Variants in CFAP77 observed in about 807,000 individuals in gnomAD.
The protein encoded by CFAP77 is cilia- and flagella-associated protein 77.
In CFAP77, 25 loss-of-function variants were observed where a neutral mutation model predicts 31.1. The ratio of observed to expected loss-of-function variants is 0.80; its 90% CI spans 0.59 to 1.12. CFAP77 has a LOEUF of 1.12. Ranked by LOEUF, CFAP77 falls within the 50% of genes most tolerant of loss-of-function variation. CFAP77 has a pLI of 0.00. For synonymous variants in CFAP77, 151 were observed against 159.9 expected (o/e 0.94, Z 0.42); for missense variants, 377 against 397.3 (o/e 0.95, Z 0.44).
chr9:132,570,832 C>T (rs1564256095), intron 5 of CFAP77, among the ~76,000 whole-genome samples: 1 of 152,158 alleles, frequency 6.6e-6, no homozygotes, highest in Non-Finnish European at 1.5e-5. Context: ...ACACAATATT[C>T]TAGAAAGAAT....
Position 132,565,867 on chromosome 9 carries a change from C to T in CFAP77, c.733-6521C>T, listed in dbSNP as rs549678969. Among the ~76,000 whole-genome samples the T allele has an allele frequency of 2.6e-5, 4 of 152,198 alleles. No homozygotes were observed. The highest frequency in any genetic ancestry group is 9.6e-5 in the African/African-American group (4 of 41,454). The stretch of plus-strand genomic sequence containing the variant: ...AGCTCCTTCGCCAACCGGGATAAAG[C>T]CTCCCGCTCGCCCGGCTCCCAGGGC... On this transcript the variant is annotated intron_variant, in intron 5 of 5. Coordinates refer to ENST00000393216, the MANE Select transcript of CFAP77 (RefSeq NM_001282957.2). The surrounding 1 kb of genome is among the most constrained non-coding windows in gnomAD (Gnocchi z 4.1).
At chr9:132,561,663 C>A (rs4962190) in intron 5 of CFAP77, among the ~76,000 whole-genome samples, 4,283 of 50,570 alleles carry the variant, frequency 0.085, 229 homozygotes, top group African/African-American at 0.12. Context: ...ACACACACAC[C>A]CCCTCCATGT....
intron 1 of CFAP77, among the ~76,000 whole-genome samples, chr9:132,430,412 A>G (rs913503334): frequency 1.3e-5 from 2 of 152,168 alleles, no homozygotes; most frequent in African/African-American, 2.4e-5. Flanking sequence ...GAACATTCCA[A>G]ATCATAGCCT....
rs1852175977 is a variant in CFAP77 at position 132,517,913 on chromosome 9, T to C, written c.524+18313T>C. On this transcript the variant is annotated intron_variant, in intron 3 of 5. Coordinates refer to ENST00000393216, the MANE Select transcript of CFAP77 (RefSeq NM_001282957.2). The surrounding 1 kb of genome is among the most constrained non-coding windows in gnomAD (Gnocchi z 4.7). The stretch of plus-strand genomic sequence containing the variant: ...TTTGATGGAACTAATTTGAAGTTTC[T>C]GGGAGGCCTATCCCAAGTAGGAGCT... 1.3e-5 allele frequency among the ~76,000 whole-genome samples: 2 copies of C among 152,250 alleles called. No homozygotes were observed. Among genetic ancestry groups the C allele is most frequent in the African/African-American group, 4.8e-5 (2 of 41,470 alleles).
At chr9:132,413,787 G>C (rs1279151529) in intron 1 of CFAP77, among the ~76,000 whole-genome samples, 9 of 152,194 alleles carry the variant, frequency 5.9e-5, no homozygotes, top group Non-Finnish European at 1.3e-4. Flanking sequence ...GGAATTTATG[G>C]AATCGAGCAC....
At chr9:132,555,147 T>G (rs1852881367) in intron 5 of CFAP77, among the ~76,000 whole-genome samples, 1 of 152,222 alleles carries the variant, frequency 6.6e-6, no homozygotes. Flanking sequence ...GGCATTAACA[T>G]CTTTGCTATC....
chr9:132,572,667 AG>A lies in CFAP77; in HGVS notation c.*158del. 1.3e-6 allele frequency: 1 copy of A among 770,368 alleles called. No homozygotes were observed. The highest frequency in any genetic ancestry group is 2.0e-6 in the Non-Finnish European group (1 of 498,214). The allele number at this position is 770,368 out of a possible 1,614,324, so 47.7% of individuals were successfully genotyped here. A position where few individuals can be genotyped will look rare whatever the true frequency, so the allele number is the denominator to read the frequency against. On this transcript the variant is annotated 3_prime_UTR_variant, in exon 6 of 6. Transcript: ENST00000393216. Reference sequence around the variant, plus strand: ...TCTTAGGCTAATTGTTTTTGGTAAAAGTCCCCCCTTTTAGGTTAGCCAACAT... The same window carrying A: ...TCTTAGGCTAATTGTTTTTGGTAAAATCCCCCCTTTTAGGTTAGCCAACAT...
chr9:132,442,899 C>T (rs149039715), intron 1 of CFAP77, among the ~76,000 whole-genome samples: 1 of 152,098 alleles, frequency 6.6e-6, no homozygotes, highest in Non-Finnish European at 1.5e-5. Flanking sequence ...TGTTGTACAA[C>T]TAGCACCTCT....
rs1328809603 is a variant in CFAP77, at chr9:132,495,889, A to T, written c.196-2806A>T. Among the ~76,000 whole-genome samples the T allele has an allele frequency of 1.3e-5, 2 of 152,212 alleles. No homozygotes were observed. Among genetic ancestry groups the T allele is most frequent in the African/African-American group, 2.4e-5 (1 of 41,450 alleles). ...AGGCGGCCATCTGCAAACCAAGAAGAGAGCCCTCACCAAGACACTGGGTCT... is the reference window on the plus strand; with the variant it reads ...AGGCGGCCATCTGCAAACCAAGAAGTGAGCCCTCACCAAGACACTGGGTCT... On this transcript the variant is annotated intron_variant, in intron 1 of 5. Coordinates refer to ENST00000393216, the MANE Select transcript of CFAP77 (RefSeq NM_001282957.2). The surrounding 1 kb of genome is among the most constrained non-coding windows in gnomAD (Gnocchi z 4.2).
At chr9:132,449,265 T>TTGCACTCACCCTCCTCTCCTACTCCTGGC (rs770970998) in intron 1 of CFAP77, among the ~76,000 whole-genome samples, 20 of 148,000 alleles carry the variant, frequency 1.4e-4, no homozygotes, top group South Asian at 4.4e-4. Flanking sequence ...TTTTGCTCCC[T>TTGCACTCACCCTCCTCTCCTACTCCTGGC]TGCACTCACC....
intron 5 of CFAP77, among the ~76,000 whole-genome samples, chr9:132,553,284 A>G (rs1473889635): frequency 1.3e-5 from 2 of 152,170 alleles, no homozygotes; most frequent in African/African-American, 4.8e-5. Context: ...CAATGCCATC[A>G]CACTGGGGGT....
At chr9:132,444,589 T>C (rs1171026403) in intron 1 of CFAP77, among the ~76,000 whole-genome samples, 2 of 152,164 alleles carry the variant, frequency 1.3e-5, no homozygotes, top group African/African-American at 4.8e-5. Flanking sequence ...ACCTGAGTCC[T>C]TCCGGCAGGG....
At chr9:132,432,380 T>C (rs754839701) in intron 1 of CFAP77, among the ~76,000 whole-genome samples, 3 of 152,094 alleles carry the variant, frequency 2.0e-5, no homozygotes, top group Non-Finnish European at 4.4e-5. Context: ...TATTTGAGAA[T>C]GTCAGCTTGA....
rs1339387853 is a variant in CFAP77, at chr9:132,497,157, GA to G, written c.196-1537del. ...TATCTCAACAGGGGGTGCTGTGGGG[GA>G]GCCTGGGAGGCAAAGCTGCAGGGCT... On this transcript the variant is annotated intron_variant, in intron 1 of 5. Transcript: ENST00000393216. The surrounding 1 kb of genome is among the most constrained non-coding windows in gnomAD (Gnocchi z 4.9). Among the ~76,000 whole-genome samples, 2 of 152,070 alleles carry G rather than the reference GA, an allele frequency of 1.3e-5. No individual in the cohort carries two copies. Among genetic ancestry groups the G allele is most frequent in the Non-Finnish European group, 2.9e-5 (2 of 68,012 alleles).
At position 132,410,405 on chromosome 9, in the gene CFAP77, T is replaced by C. The variant is rs749232832; in HGVS notation, c.134T>C (p.Met45Thr). 9.4e-6 allele frequency: 15 copies of C among 1,602,264 alleles called. No individual in the cohort carries two copies. The highest frequency in any genetic ancestry group is 2.3e-5 in the East Asian group (1 of 43,316). Residue 45 changes from methionine (M) to threonine (T), a missense_variant, in exon 1 of 6, where the codon ATG becomes ACG. Coordinates refer to ENST00000393216, the MANE Select transcript of CFAP77 (RefSeq NM_001282957.2). ...ACCGTGGCGGACATCCGTTCCGGCA[T>C]GGAGAACGAGCGGCTGGGGGTCGTG... ...PLTVADIRSGMENERLGVVRD... is the reference protein window; with the variant it reads ...PLTVADIRSGTENERLGVVRD...
At chr9:132,474,256 AGT>A (rs1346368737) in intron 1 of CFAP77, among the ~76,000 whole-genome samples, 1 of 152,092 alleles carries the variant, frequency 6.6e-6, no homozygotes, top group East Asian at 1.9e-4. Flanking sequence ...GCTCTGGAAG[AGT>A]GTGGTTTTCC....
chr9:132,503,814 T>A (rs926939062), intron 3 of CFAP77, among the ~76,000 whole-genome samples: 1 of 152,126 alleles, frequency 6.6e-6, no homozygotes, highest in African/African-American at 2.4e-5. Context: ...TTTGGGAGGC[T>A]GAGGTGAGTG....
chr9:132,556,950 G>A (rs1852915673), intron 5 of CFAP77, among the ~76,000 whole-genome samples: 1 of 152,234 alleles, frequency 6.6e-6, no homozygotes, highest in African/African-American at 2.4e-5. Flanking sequence ...CCAGGCCCGG[G>A]CCCTGTTGGG....
intron 1 of CFAP77, among the ~76,000 whole-genome samples, chr9:132,458,357 G>GGGGAGTGT (rs139008147): frequency 1.7e-5 from 2 of 119,044 alleles, no homozygotes; most frequent in African/African-American, 6.5e-5. Context: ...GAGGGGGGGG[G>GGGGAGTGT]GTGTGTATGG....
Sources: gnomAD v4.1 joint callset for allele counts (sites outside exome capture counted in the v4.1 genomes callset) on GRCh38, gnomAD v4.1.1 for gene constraint, Gnocchi (gnomAD v3.1) non-coding constraint, MANE v1.5 for transcripts, NCBI Gene and HGNC (gene_info 2026-07-23, HGNC 2026-07-21) for gene names.